Variants in PDE5A observed in about 807,000 individuals in gnomAD.
PDE5A encodes the protein cGMP-specific 3',5'-cyclic phosphodiesterase.
Under a neutral mutation model 110.2 loss-of-function variants are expected in PDE5A, and 67 were observed. The ratio of observed to expected loss-of-function variants is 0.61; its 90% CI spans 0.50 to 0.75. The LOEUF is 0.75. Ranked by LOEUF, PDE5A falls within the 30% of genes least tolerant of loss-of-function variation. The pLI, the probability that PDE5A is intolerant of heterozygous loss-of-function variation, is 0.00. For synonymous variants in PDE5A, 328 were observed against 351.2 expected (o/e 0.93, Z 0.74); for missense variants, 862 against 1,045.1 (o/e 0.82, Z 2.42).
At chr4:119,538,211 A>G (rs13128602) in intron 11 of PDE5A, among the ~76,000 whole-genome samples, 39,963 of 151,970 alleles carry the variant, frequency 0.26, 5,389 homozygotes, top group East Asian at 0.38. Flanking sequence ...GAAGATGTAC[A>G]TAAGGGCACA....
At chr4:119,589,981 C>G (rs1405461839) in intron 3 of PDE5A, among the ~76,000 whole-genome samples, 1 of 152,150 alleles carries the variant, frequency 6.6e-6, no homozygotes, top group East Asian at 1.9e-4. Flanking sequence ...ACTGCAGAGT[C>G]TCAAGAAAAC....
At chr4:119,531,077 T>C (rs1201216552) in intron 11 of PDE5A, among the ~76,000 whole-genome samples, 2 of 152,122 alleles carry the variant, frequency 1.3e-5, no homozygotes. Context: ...CAAAAAGTTT[T>C]CCAATTTTTA....
chr4:119,619,847 CT>C (rs1730079721), intron 1 of PDE5A, among the ~76,000 whole-genome samples: 1 of 152,172 alleles, frequency 6.6e-6, no homozygotes, highest in African/African-American at 2.4e-5. Context: ...TAAAGTCTTC[CT>C]CTTAGAAAAG....
chr4:119,519,218 A>ATCT, intron 13 of PDE5A, 79 bp from the exon 14 acceptor site: 3 of 1,057,698 alleles, frequency 2.8e-6, no homozygotes, highest in Non-Finnish European at 4.4e-6. Flanking sequence ...CTTTTCAGTA[A>ATCT]TCTTTTTTTT....
intron 3 of PDE5A, among the ~76,000 whole-genome samples, chr4:119,568,245 A>G (rs1444019141): frequency 1.3e-5 from 2 of 151,506 alleles, no homozygotes; most frequent in African/African-American, 4.9e-5. Context: ...ACTCTCTCTT[A>G]TTTTTACATG....
chr4:119,593,395 G>A (rs957701449), intron 3 of PDE5A, among the ~76,000 whole-genome samples: 4 of 152,302 alleles, frequency 2.6e-5, no homozygotes, highest in Middle Eastern at 3.4e-3. Flanking sequence ...AAATCACTCA[G>A]CAATAAAAAG....
chr4:119,554,523 TTCCC>T (rs1727474880), intron 7 of PDE5A, among the ~76,000 whole-genome samples: 1 of 152,152 alleles, frequency 6.6e-6, no homozygotes, highest in African/African-American at 2.4e-5. Context: ...ACTCCGTATG[TTCCC>T]TTGTGGTGAT....
chr4:119,552,503 C>T (rs1371196821), intron 9 of PDE5A, 47 bp downstream of exon 9: 6 of 694,648 alleles, frequency 8.6e-6, no homozygotes, highest in African/African-American at 1.9e-5. Flanking sequence ...GCTGGGAATA[C>T]ATTTTTAAAA....
chr4:119,529,008 G>T (rs954896792), intron 11 of PDE5A, among the ~76,000 whole-genome samples: 1 of 152,112 alleles, frequency 6.6e-6, no homozygotes, highest in Admixed American at 6.5e-5. Flanking sequence ...GAGGACACTA[G>T]CCTCTACTGG....
rs1725086509 is a variant in PDE5A at position 119,496,686 on chromosome 4, T to C, written c.*1915A>G. The C allele has an allele frequency of 1.3e-5, 2 of 152,560 alleles. No individual in the cohort carries two copies. The highest frequency in any genetic ancestry group is 6.6e-5 in the Admixed American group (1 of 15,256). The allele number at this position is 152,560 out of a possible 1,614,324, so 9.5% of individuals were successfully genotyped here. A position where few individuals can be genotyped will look rare whatever the true frequency, so the allele number is the denominator to read the frequency against. On this transcript the variant is annotated 3_prime_UTR_variant, in exon 21 of 21. Transcript: ENST00000354960. ...AGATTGCTATTCTTTATGCAATTTT[T>C]CTATACTAAGGATTTATGTATGCAT...
chr4:119,576,815 G>C lies in PDE5A; in HGVS notation c.832-9671C>G, dbSNP rs1728369202. On this transcript the variant is annotated intron_variant, in intron 3 of 20. Transcript: ENST00000354960. ...GAGCAAACACATTCAAAAGCTAGCA[G>C]AAGGCAAGAAATAACTAAAATCAGA... is the stretch of plus-strand genomic sequence containing the variant. Among the ~76,000 whole-genome samples the C allele has an allele frequency of 4.6e-5, 7 of 152,266 alleles. No homozygotes were observed. The South Asian group carries it at 1.2e-3, about 27-fold the overall frequency.
intron 9 of PDE5A, among the ~76,000 whole-genome samples, chr4:119,551,121 A>G (rs1269159296): frequency 6.6e-6 from 1 of 152,208 alleles, no homozygotes; most frequent in African/African-American, 2.4e-5. Context: ...GCACTAGATT[A>G]GCATACTGAA....
chr4:119,502,531 TAAAAA>T, intron 19 of PDE5A, 45 bp downstream of exon 19: 2 of 958,076 alleles, frequency 2.1e-6, no homozygotes, highest in Admixed American at 2.4e-5. Context: ...AGTCTACAAT[TAAAAA>T]AAAAACAATT....
intron 2 of PDE5A, among the ~76,000 whole-genome samples, chr4:119,605,005 C>T (rs1486516614): frequency 2.6e-5 from 4 of 152,172 alleles, no homozygotes; most frequent in Non-Finnish European, 5.9e-5. Flanking sequence ...CTTCTATCCT[C>T]CCAACTTGTA....
intron 11 of PDE5A, among the ~76,000 whole-genome samples, chr4:119,530,475 T>C (rs892926030): frequency 6.6e-6 from 1 of 152,074 alleles, no homozygotes; most frequent in African/African-American, 2.4e-5. Flanking sequence ...CACCAAGAAA[T>C]GAAATTGAGA....
chr4:119,515,232 C>T (rs919172984), intron 14 of PDE5A, among the ~76,000 whole-genome samples: 2 of 152,096 alleles, frequency 1.3e-5, no homozygotes, highest in Non-Finnish European at 2.9e-5. Flanking sequence ...GTAAAATGGA[C>T]TTTACCCAGT....
intron 7 of PDE5A, among the ~76,000 whole-genome samples, chr4:119,555,687 G>A (rs867512236): frequency 2.6e-4 from 39 of 152,020 alleles, no homozygotes; most frequent in Middle Eastern, 6.8e-3. Context: ...AAGAGTAGGA[G>A]CCAGGAAAAA....
At chr4:119,536,019 T>G (rs527948324) in intron 11 of PDE5A, among the ~76,000 whole-genome samples, 7 of 152,298 alleles carry the variant, frequency 4.6e-5, no homozygotes, top group Non-Finnish European at 7.4e-5. Context: ...TGAAATCAGT[T>G]GCTGAATTTC....
At chr4:119,502,917 T>TCTTC (rs71595399) in intron 18 of PDE5A, among the ~76,000 whole-genome samples, 40,329 of 151,968 alleles carry the variant, frequency 0.27, 5,456 homozygotes, top group East Asian at 0.38. Context: ...AAAAATGTTT[T>TCTTC]CTTCATTTAT....
Sources: gnomAD v4.1 joint callset for allele counts (sites outside exome capture counted in the v4.1 genomes callset) on GRCh38, gnomAD v4.1.1 for gene constraint, MANE v1.5 for transcripts, NCBI Gene and HGNC (gene_info 2026-07-23, HGNC 2026-07-21) for gene names.